TRPC4: variants seen among roughly 807,000 people sequenced by gnomAD.
TRPC4 encodes the protein short transient receptor potential channel 4.
In TRPC4, 49 loss-of-function variants were observed where a neutral mutation model predicts 99.4. That is an observed-to-expected ratio of 0.49 (90% CI 0.39 to 0.63). TRPC4 has a LOEUF of 0.63. TRPC4 is among the 20% of genes least tolerant of loss of function. The probability of loss-of-function intolerance (pLI) is 0.00; values close to 1 mark genes in which losing one functional copy is unlikely to be tolerated. For missense variants in TRPC4, 898 were observed against 1,152.9 expected (o/e 0.78, Z 3.20); for synonymous variants, 454 against 425.9 (o/e 1.07, Z -0.81).
rs12875527 is a variant in TRPC4 at position 37,783,247 on chromosome 13, G to A, written c.87C>T (p.Leu29=). 128,964 of 1,613,486 alleles carry A rather than the reference G, an allele frequency of 0.08. 5,716 individuals carry two copies. Among genetic ancestry groups the A allele is most frequent in the Non-Finnish European group, 0.088 (103,830 of 1,179,680 alleles). Residue 29 remains leucine, a synonymous_variant, in exon 2 of 11, where the codon CTC becomes CTT. Coordinates refer to ENST00000379705, the MANE Select transcript of TRPC4 (RefSeq NM_016179.4). ...PLRIVRAESE[L]SPSEKAYLNA... ...TCAAGTAGGCTTTTTCTGATGGCGA[G>A]AGTTCTGATTCTGCTCTTACTATCC...
chr13:37,650,230 T>G (rs1354890315), intron 8 of TRPC4, among the ~76,000 whole-genome samples: 1 of 152,236 alleles, frequency 6.6e-6, no homozygotes, highest in Admixed American at 6.5e-5. Flanking sequence ...ATTTTTTTAT[T>G]TTTAATTAAT....
In TRPC4 at chr13:37,745,927, C is replaced by T; in HGVS notation, c.897+10G>A. The T allele has an allele frequency of 6.2e-7, 1 of 1,603,600 alleles. No homozygotes were observed. The highest frequency in any genetic ancestry group is 1.7e-4 in the Middle Eastern group (1 of 5,998). ...TGGCATTTTGATGGATCAAGTCTGG[C>T]AACACTCACCTCTTTTTGACGGTAC... On this transcript the variant is annotated intron_variant, in intron 3 of 10. Transcript: ENST00000379705.
chr13:37,766,779 C>G (rs1404126988), intron 2 of TRPC4, among the ~76,000 whole-genome samples: 1 of 151,432 alleles, frequency 6.6e-6, no homozygotes, highest in Non-Finnish European at 1.5e-5. Flanking sequence ...CCACATCATT[C>G]GCTAGCTTCA....
At position 37,786,289 on chromosome 13, in the gene TRPC4, GACACACACACACACACACACAC is replaced by G. The variant is rs10549960; in HGVS notation, c.-27-2951_-27-2930del. ...ATCTAAAAACACTCACAGGGAGAAAGACACACACACACACACACACACACACACACACACACACACACACGTA... is the reference window on the plus strand; with the variant it reads ...ATCTAAAAACACTCACAGGGAGAAAGACACACACACACACACACACACGTA... On this transcript the variant is annotated intron_variant, in intron 1 of 10. Coordinates refer to ENST00000379705, the MANE Select transcript of TRPC4 (RefSeq NM_016179.4). Among the ~76,000 whole-genome samples the G allele has an allele frequency of 5.8e-4, 82 of 141,064 alleles. 1 individual carries two copies. The highest frequency in any genetic ancestry group is 2.5e-3 in the Admixed American group (35 of 13,936). The allele number at this position is 141,064 out of a possible 152,430, so 92.5% of individuals were successfully genotyped here.
chr13:37,842,343 C>CAAAA (rs57428116), intron 1 of TRPC4, among the ~76,000 whole-genome samples: 227 of 15,482 alleles, frequency 0.015, 8 homozygotes, highest in African/African-American at 0.039. Flanking sequence ...AGCGTCTAGC[C>CAAAA]AAAAAAAAAA....
At chr13:37,800,725 G>C (rs631252) in intron 1 of TRPC4, among the ~76,000 whole-genome samples, 6,497 of 151,318 alleles carry the variant, frequency 0.043, 479 homozygotes, top group African/African-American at 0.15. Context: ...GAATAGAATA[G>C]GACTAACAGG....
At chr13:37,753,522 A>G (rs1408413404) in intron 2 of TRPC4, among the ~76,000 whole-genome samples, 2 of 151,236 alleles carry the variant, frequency 1.3e-5, no homozygotes, top group African/African-American at 4.9e-5. Context: ...ATATGATTGC[A>G]CCCTGCCAGA....
At chr13:37,671,937 C>T (rs1415200899) in intron 5 of TRPC4, among the ~76,000 whole-genome samples, 2 of 152,164 alleles carry the variant, frequency 1.3e-5, no homozygotes, top group Non-Finnish European at 2.9e-5. Context: ...TTTTTGAAGA[C>T]TTCACATTCC....
In TRPC4 at chr13:37,663,711, G is replaced by A. The variant is rs1208265152; in HGVS notation, c.1393C>T (p.Arg465Ter). ...GGATGCCACATGTCCCATGATTCTCGTGGATTAAGGGCACTGTACTGGAAA... is the reference window on the plus strand; with the variant it reads ...GGATGCCACATGTCCCATGATTCTCATGGATTAAGGGCACTGTACTGGAAA... ...AFVKYSALNPRESWDMWHPTL... is the reference protein window; with the variant it reads ...AFVKYSALNP The change falls in exon 6 of 11, where the codon CGA (arginine) becomes TGA (stop). Residue 465 changes from arginine to a stop codon, truncating the protein, a stop_gained. Transcript: ENST00000379705. LOFTEE classifies it high-confidence loss of function. The A allele has an allele frequency of 3.1e-6, 5 of 1,613,686 alleles. No homozygotes were observed. Among genetic ancestry groups the A allele is most frequent in the East Asian group, 2.2e-5 (1 of 44,856 alleles).
At chr13:37,752,075 C>CTATA (rs10528143) in intron 2 of TRPC4, among the ~76,000 whole-genome samples, 37,726 of 73,870 alleles carry the variant, frequency 0.51, 13,253 homozygotes, top group East Asian at 0.77. Flanking sequence ...AAGCAGAAAA[C>CTATA]TATATATATA....
intron 2 of TRPC4, among the ~76,000 whole-genome samples, chr13:37,759,230 A>T (rs1371260602): frequency 6.6e-6 from 1 of 151,806 alleles, no homozygotes; most frequent in African/African-American, 2.4e-5. Context: ...ACCCAAGCAA[A>T]GTTAGGCTAT....
At chr13:37,842,283 A>C (rs1376467275) in intron 1 of TRPC4, among the ~76,000 whole-genome samples, 1 of 149,114 alleles carries the variant, frequency 6.7e-6, no homozygotes, top group Non-Finnish European at 1.5e-5. Context: ...AAAAAAAAAA[A>C]AACCTTATAC....
chr13:37,840,315 T>A (rs1283127598), intron 1 of TRPC4, among the ~76,000 whole-genome samples: 1 of 152,106 alleles, frequency 6.6e-6, no homozygotes, highest in Non-Finnish European at 1.5e-5. Context: ...TATTCAAAGA[T>A]GTGTTTGAAA....
chr13:37,673,353 G>A (rs1318859926), intron 5 of TRPC4, among the ~76,000 whole-genome samples: 2 of 151,958 alleles, frequency 1.3e-5, no homozygotes, highest in Non-Finnish European at 2.9e-5. Flanking sequence ...AGAAGCAGAA[G>A]GCATTATTTT....
chr13:37,742,735 A>G (rs918010909), intron 3 of TRPC4, among the ~76,000 whole-genome samples: 2 of 152,258 alleles, frequency 1.3e-5, no homozygotes, highest in Middle Eastern at 3.4e-3. Context: ...ACCAAGGAAA[A>G]CTTTTGGTAA....
At chr13:37,793,193 A>G (rs537545708) in intron 1 of TRPC4, among the ~76,000 whole-genome samples, 1 of 152,236 alleles carries the variant, frequency 6.6e-6, no homozygotes, top group Non-Finnish European at 1.5e-5. Context: ...ATAGGAAAAT[A>G]TAAATAAATA....
rs575839151 is a variant in TRPC4, at chr13:37,783,347, C to T, written c.-14G>A. 8 of 1,526,312 alleles carry T rather than the reference C, an allele frequency of 5.2e-6. No individual in the cohort carries two copies. In the African/African-American group the frequency reaches 8.3e-5, roughly 16 times the overall value. The allele number at this position is 1,526,312 out of a possible 1,614,324, so 94.5% of individuals were successfully genotyped here. A position where few individuals can be genotyped will look rare whatever the true frequency, so the allele number is the denominator to read the frequency against. ...GAACTGAGCCATGTTTCATGCCATG[C>T]TATTTCTTCGTCTCTGAAAGTAGAA... is the stretch of plus-strand genomic sequence containing the variant. On this transcript the variant is annotated 5_prime_UTR_variant, in exon 2 of 11. It removes the in-frame stop codon of an upstream open reading frame in the 5' UTR. Coordinates refer to ENST00000379705, the MANE Select transcript of TRPC4 (RefSeq NM_016179.4).
chr13:37,824,580 G>A (rs1181224266), intron 1 of TRPC4, among the ~76,000 whole-genome samples: 1 of 151,770 alleles, frequency 6.6e-6, no homozygotes, highest in Non-Finnish European at 1.5e-5. Flanking sequence ...TACATTTATT[G>A]ATTTGCGTAT....
At chr13:37,716,661 A>G (rs1954678279) in intron 3 of TRPC4, among the ~76,000 whole-genome samples, 1 of 152,168 alleles carries the variant, frequency 6.6e-6, no homozygotes. Context: ...CTGCTAAAAT[A>G]TGAATGTTGA....
Sources: gnomAD v4.1 joint callset for allele counts (sites outside exome capture counted in the v4.1 genomes callset) on GRCh38, gnomAD v4.1.1 for gene constraint, MANE v1.5 for transcripts, NCBI Gene and HGNC (gene_info 2026-07-23, HGNC 2026-07-21) for gene names.